Variants in ZNF680 observed in about 807,000 individuals in gnomAD.
ZNF680 encodes hypothetical protein FLJ90430.
A neutral mutation model predicts 12.1 loss-of-function variants in ZNF680; 6 were observed. That is an observed-to-expected ratio of 0.49 (90% CI 0.27 to 0.98). ZNF680 has a LOEUF of 0.98. ZNF680 is among the 50% of genes least tolerant of loss of function. The pLI, the probability that ZNF680 is intolerant of heterozygous loss-of-function variation, is 0.12. For missense variants in ZNF680, 561 were observed against 616.3 expected, an observed-to-expected ratio of 0.91 and a Z score of 0.95; for synonymous variants, 170 against 199.3, an observed-to-expected ratio of 0.85 and a Z score of 1.24.
chr7:64,528,007 A>G (rs1211278896), intron 3 of ZNF680, among the ~76,000 whole-genome samples: 1 of 152,214 alleles, frequency 6.6e-6, no homozygotes, highest in Non-Finnish European at 1.5e-5. Context: ...TGGAAAAGGG[A>G]GATCCTTCAC....
At chr7:64,512,457 C>CAAAAA in the ZNF680 span, among the ~76,000 whole-genome samples, 1 of 87,234 alleles carries the variant, frequency 1.1e-5, no homozygotes, top group African/African-American at 4.4e-5. Flanking sequence ...CCGTCTCCAG[C>CAAAAA]AAAAAAAAAA....
At chr7:64,533,694 G>C (rs548019042) in intron 3 of ZNF680, among the ~76,000 whole-genome samples, 1 of 149,906 alleles carries the variant, frequency 6.7e-6, no homozygotes, top group African/African-American at 2.5e-5. Flanking sequence ...AACGAAAAAA[G>C]AGCCCACATA....
At chr7:64,506,050 G>C in the ZNF680 span, among the ~76,000 whole-genome samples, 2 of 151,968 alleles carry the variant, frequency 1.3e-5, no homozygotes, top group Non-Finnish European at 2.9e-5. Flanking sequence ...CTAATTTTAT[G>C]AGTAATTTCA....
At chr7:64,542,230 AC>A (rs1786543744) in intron 3 of ZNF680, among the ~76,000 whole-genome samples, 2 of 142,702 alleles carry the variant, frequency 1.4e-5, no homozygotes, top group Admixed American at 1.4e-4. Context: ...TGAGAACCCA[AC>A]AAAAAAAATC....
chr7:64,501,731 C>T, the ZNF680 span: 124 of 953,390 alleles, frequency 1.3e-4, no homozygotes, highest in Non-Finnish European at 1.8e-4. Flanking sequence ...GACTCTTAAG[C>T]ACATAGTGGG....
rs368439982 is a variant in ZNF680 at position 64,563,064 on chromosome 7, C to T, written c.-110G>A. 2.7e-5 allele frequency: 36 copies of T among 1,331,988 alleles called. No individual in the cohort carries two copies. The highest frequency in any genetic ancestry group is 3.6e-5 in the Non-Finnish European group (34 of 941,562). The allele number at this position is 1,331,988 out of a possible 1,614,324, so 82.5% of individuals were successfully genotyped here. A position where few individuals can be genotyped will look rare whatever the true frequency, so the allele number is the denominator to read the frequency against. On this transcript the variant is annotated 5_prime_UTR_variant, in exon 1 of 4. Transcript: ENST00000309683. ...ACTAGACCTGGAGCTCCCGCAGCAGCTAGAGACAAAGGCCCCGCCAAATCC... is the reference window on the plus strand; with the variant it reads ...ACTAGACCTGGAGCTCCCGCAGCAGTTAGAGACAAAGGCCCCGCCAAATCC...
chr7:64,518,677 G>A (rs1425561162), downstream of ZNF680, among the ~76,000 whole-genome samples: 1 of 151,896 alleles, frequency 6.6e-6, no homozygotes, highest in East Asian at 1.9e-4. Flanking sequence ...AGAGAACCCA[G>A]AAATAAAACC....
chr7:64,539,130 C>CAAAAAAAAAAAAAAAAAAAAAAAAAAA, intron 3 of ZNF680, among the ~76,000 whole-genome samples: 1 of 77,702 alleles, frequency 1.3e-5, no homozygotes, highest in Non-Finnish European at 2.4e-5. Flanking sequence ...GACTCCATCT[C>CAAAAAAAAAAAAAAAAAAAAAAAAAAA]AAAAAAAAAA....
intron 3 of ZNF680, among the ~76,000 whole-genome samples, chr7:64,523,666 C>T (rs929041910): frequency 4.6e-5 from 7 of 152,048 alleles, no homozygotes; most frequent in African/African-American, 1.7e-4. Context: ...ATAATCCCAG[C>T]ACTTTGGGAG....
chr7:64,506,043 A>T, the ZNF680 span, among the ~76,000 whole-genome samples: 4 of 152,260 alleles, frequency 2.6e-5, no homozygotes, highest in South Asian at 8.3e-4. Context: ...TAGTGACCTA[A>T]TTTTATGAGT....
intron 1 of ZNF680, among the ~76,000 whole-genome samples, chr7:64,546,797 C>T (rs1214437692): frequency 6.6e-6 from 1 of 152,084 alleles, no homozygotes; most frequent in African/African-American, 2.4e-5. Context: ...GGCACAGACA[C>T]CAGCAATTTC....
chr7:64,502,473 C>A, the ZNF680 span, among the ~76,000 whole-genome samples: 6 of 152,202 alleles, frequency 3.9e-5, no homozygotes, highest in African/African-American at 1.2e-4. Context: ...GTGTGTTACA[C>A]CCCCACATAG....
intron 1 of ZNF680, among the ~76,000 whole-genome samples, chr7:64,554,653 T>C (rs1242591426): frequency 6.6e-6 from 1 of 152,234 alleles, no homozygotes; most frequent in Non-Finnish European, 1.5e-5. Context: ...GCAAAGATTC[T>C]TCTGCCTTGG....
the ZNF680 span, chr7:64,501,247 TTTCC>T: frequency 1.1e-6 from 1 of 901,696 alleles, no homozygotes; most frequent in Non-Finnish European, 1.9e-6. Flanking sequence ...CCCAGCACAT[TTTCC>T]TCCTCCTCCT....
chr7:64,537,693 C>A (rs1786243395), intron 3 of ZNF680, among the ~76,000 whole-genome samples: 1 of 152,096 alleles, frequency 6.6e-6, no homozygotes. Flanking sequence ...TTTGGGAGGC[C>A]AAGGCGGGCA....
chr7:64,558,779 TTGC>T (rs929464873), intron 1 of ZNF680, among the ~76,000 whole-genome samples: 3 of 151,724 alleles, frequency 2.0e-5, no homozygotes, highest in African/African-American at 7.3e-5. Flanking sequence ...AGAAAAGGGG[TTGC>T]TTTTTTTTTT....
chr7:64,544,944 G>A (rs546925178), intron 1 of ZNF680, among the ~76,000 whole-genome samples: 141 of 152,224 alleles, frequency 9.3e-4, no homozygotes, highest in African/African-American at 2.8e-3. Context: ...AGAGTATTTT[G>A]TCAAACATCC....
At chr7:64,544,225 C>A (rs1177106233) in intron 2 of ZNF680, 81 bp downstream of exon 2, 2 of 1,517,730 alleles carry the variant, frequency 1.3e-6, no homozygotes, top group Non-Finnish European at 1.8e-6. Context: ...ATGCAAAGCA[C>A]AAATTACCAC....
chr7:64,528,690 A>T (rs1025430739), intron 3 of ZNF680, among the ~76,000 whole-genome samples: 1 of 152,086 alleles, frequency 6.6e-6, no homozygotes, highest in African/African-American at 2.4e-5. Context: ...GGAGAGTCTG[A>T]GTTCAGACAC....
Sources: allele counts gnomAD v4.1 joint callset (sites outside exome capture counted in the v4.1 genomes callset), GRCh38; gene constraint gnomAD v4.1.1; transcripts MANE v1.5; gene names NCBI Gene and HGNC (gene_info 2026-07-23, HGNC 2026-07-21).